The following RP1 variants were observed in gnomAD, a reference collection of about 807,000 sequenced individuals.
RP1 encodes the protein oxygen-regulated protein 1.
Under a neutral mutation model 14.8 loss-of-function variants are expected in RP1, and 16 were observed. The observed-to-expected ratio is 1.08, with a 90% CI of 0.73 to 1.65. The LOEUF (loss-of-function observed/expected upper bound fraction) is 1.65. Ranked by LOEUF, RP1 falls within the 40% of genes most tolerant of loss-of-function variation. The probability of loss-of-function intolerance (pLI) is 0.00; values close to 1 mark genes in which losing one functional copy is unlikely to be tolerated. For missense variants in RP1, 2,631 were observed against 2,535.0 expected, an observed-to-expected ratio of 1.04 and a Z score of -0.81; for synonymous variants, 876 against 883.6, an observed-to-expected ratio of 0.99 and a Z score of 0.15.
chr8:54,570,444 T>G (rs1279081055), intron 1 of RP1, among the ~76,000 whole-genome samples: 1 of 151,558 alleles, frequency 6.6e-6, no homozygotes, highest in Admixed American at 6.6e-5. Context: ...TTCACCAGCC[T>G]CAGCCTCCTG....
chr8:54,603,557 T>G (rs1805349868), intron 1 of RP1, among the ~76,000 whole-genome samples: 1 of 138,772 alleles, frequency 7.2e-6, no homozygotes, highest in Admixed American at 7.1e-5. Context: ...GAAAGTAGTT[T>G]TTTCCAATTC....
intron 24 of RP1, among the ~76,000 whole-genome samples, chr8:54,801,272 G>A (rs1054739912): frequency 1.3e-5 from 2 of 152,088 alleles, no homozygotes; most frequent in Non-Finnish European, 1.5e-5. Context: ...TCCTCAACAC[G>A]TGTTAATGTA....
At chr8:54,611,939 C>T (rs1464057937), upstream of RP1, among the ~76,000 whole-genome samples, 2 of 127,824 alleles carry the variant, frequency 1.6e-5, no homozygotes, top group Non-Finnish European at 3.2e-5. Flanking sequence ...CCCAACCTTT[C>T]TTTTTTATTT....
At chr8:54,575,460 A>G (rs939375882) in intron 1 of RP1, among the ~76,000 whole-genome samples, 1 of 152,252 alleles carries the variant, frequency 6.6e-6, no homozygotes, top group East Asian at 1.9e-4. Flanking sequence ...GTTTTGATAT[A>G]GGCATGCAAT....
intron 24 of RP1, among the ~76,000 whole-genome samples, chr8:54,793,752 T>G (rs986225298): frequency 6.6e-6 from 1 of 151,962 alleles, no homozygotes; most frequent in East Asian, 1.9e-4. Flanking sequence ...AGGCTTTCTC[T>G]CAAACATCAG....
intron 20 of RP1, chr8:54,755,070 C>CT (rs1384004753): frequency 2.1e-6 from 2 of 935,738 alleles, no homozygotes; most frequent in Non-Finnish European, 2.9e-6. Context: ...TGAGAAGTGA[C>CT]TTTTTTAATG....
chr8:54,835,320 C>T (rs1229612752), intron 24 of RP1, among the ~76,000 whole-genome samples: 1 of 152,168 alleles, frequency 6.6e-6, no homozygotes, highest in Non-Finnish European at 1.5e-5. Context: ...TGCTGTAGTA[C>T]AGTCATTTCA....
intron 3 of RP1, among the ~76,000 whole-genome samples, chr8:54,645,391 C>T (rs1189263541): frequency 1.3e-5 from 2 of 152,116 alleles, no homozygotes; most frequent in African/African-American, 4.8e-5. Context: ...GGTATTTTCA[C>T]TGTTTTTAAT....
intron 1 of RP1, among the ~76,000 whole-genome samples, chr8:54,595,143 T>G (rs2129302327): frequency 6.6e-6 from 1 of 151,958 alleles, no homozygotes; most frequent in South Asian, 2.1e-4. Flanking sequence ...TTTTTTTTTT[T>G]TTTTGAGATG....
intron 24 of RP1, among the ~76,000 whole-genome samples, chr8:54,784,042 G>C (rs117713346): frequency 0.01 from 1,580 of 152,198 alleles, 16 homozygotes; most frequent in Non-Finnish European, 0.017. Context: ...CTCAGTCTTT[G>C]TTCATACCCA....
chr8:54,796,520 G>A (rs974582026), intron 24 of RP1, among the ~76,000 whole-genome samples: 2 of 152,168 alleles, frequency 1.3e-5, no homozygotes, highest in Non-Finnish European at 2.9e-5. Flanking sequence ...TGCCAGAGTA[G>A]GCAGGGCCTT....
At chr8:54,686,366 T>C (rs1403951868) in intron 12 of RP1, among the ~76,000 whole-genome samples, 2 of 147,318 alleles carry the variant, frequency 1.4e-5, no homozygotes, top group Non-Finnish European at 3.0e-5. Context: ...CATTTTGACT[T>C]ACAATTTTCA....
chr8:54,581,192 TC>T (rs910833259), intron 1 of RP1, among the ~76,000 whole-genome samples: 2 of 151,868 alleles, frequency 1.3e-5, no homozygotes, highest in Admixed American at 6.6e-5. Context: ...TGTGTGATGT[TC>T]CCCTTCCTGT....
intron 1 of RP1, among the ~76,000 whole-genome samples, chr8:54,596,493 T>C (rs1235278642): frequency 3.3e-5 from 5 of 152,246 alleles, no homozygotes; most frequent in African/African-American, 9.6e-5. Context: ...AAATTTCCAA[T>C]ATAAGATTAA....
intron 24 of RP1, among the ~76,000 whole-genome samples, chr8:54,804,671 C>T (rs114724266): frequency 0.029 from 4,367 of 152,168 alleles, 121 homozygotes; most frequent in African/African-American, 0.064. Context: ...AAAGATACTT[C>T]GTAATGTTAA....
In RP1 at chr8:54,570,089, G is replaced by A. The variant is rs116740377; in HGVS notation, c.-13+10769G>A. Among the ~76,000 whole-genome samples, 810 of 152,234 alleles carry A rather than the reference G, an allele frequency of 5.3e-3. 5 individuals carry two copies. Among genetic ancestry groups the A allele is most frequent in the South Asian group, 0.04 (191 of 4,818 alleles). On this transcript the variant is annotated intron_variant, in intron 1 of 22. Coordinates refer to the RP1 transcript ENST00000636932. The stretch of plus-strand genomic sequence containing the variant: ...TTGAATCTGGACCTGTCCACTCTGC[G>A]TGTTCCTTTGAACGTCCCCACGCTT...
At chr8:54,706,412 C>T (rs1808150868) in intron 14 of RP1, 5 of 1,531,238 alleles carry the variant, frequency 3.3e-6, no homozygotes, top group South Asian at 2.4e-5. Context: ...CCGTTACTGA[C>T]TGCCTTTCTG....
rs751501952 is a variant in RP1 at position 54,629,398 on chromosome 8, A to G, written c.5516A>G (p.Asn1839Ser). 4 of 1,614,154 alleles carry G rather than the reference A, an allele frequency of 2.5e-6. No homozygotes were observed. Among genetic ancestry groups the G allele is most frequent in the Admixed American group, 1.7e-5 (1 of 60,030 alleles). Reference protein sequence around the residue: ...PFHEDLLDVRNETCAKERIAN... With the variant: ...PFHEDLLDVRSETCAKERIAN... ...CATGAGGACTTGCTGGATGTTCGCAATGAAACCTGTGCCAAGGAAAGAATA... is the reference window on the plus strand; with the variant it reads ...CATGAGGACTTGCTGGATGTTCGCAGTGAAACCTGTGCCAAGGAAAGAATA... Residue 1839 changes from asparagine to serine, a missense_variant, in exon 4 of 4, where the codon AAT (asparagine) becomes AGT (serine). Transcript: ENST00000220676.
At chr8:54,660,048 T>C (rs1806851869) in intron 6 of RP1, among the ~76,000 whole-genome samples, 1 of 152,158 alleles carries the variant, frequency 6.6e-6, no homozygotes, top group Non-Finnish European at 1.5e-5. Flanking sequence ...AGCTGCTTTT[T>C]GAGTGTTGAT....
Sources: gnomAD v4.1 joint callset for allele counts (sites outside exome capture counted in the v4.1 genomes callset) on GRCh38, gnomAD v4.1.1 for gene constraint, MANE v1.5 for transcripts, NCBI Gene and HGNC (gene_info 2026-07-23, HGNC 2026-07-21) for gene names.